PALM2AKAP2: variants seen among roughly 807,000 people sequenced by gnomAD.
PALM2AKAP2 encodes the protein PALM2 and AKAP2 fusion.
PALM2AKAP2 carries 37 observed loss-of-function variants against 71.5 expected under a neutral mutation model. That is an observed-to-expected ratio of 0.52 (90% confidence interval 0.40 to 0.68). PALM2AKAP2 has a LOEUF of 0.68. Among genes scored for constraint, PALM2AKAP2 ranks in the 30% least tolerant of loss-of-function variants. The pLI is 0.00. For missense variants in PALM2AKAP2, 1,224 were observed against 1,191.8 expected, an observed-to-expected ratio of 1.03 and a Z score of -0.40; for synonymous variants, 468 against 478.8, an observed-to-expected ratio of 0.98 and a Z score of 0.29.
At chr9:109,941,142 C>G (rs1453752601) in intron 6 of PALM2AKAP2, among the ~76,000 whole-genome samples, 1 of 133,048 alleles carries the variant, frequency 7.5e-6, no homozygotes, top group Admixed American at 7.6e-5. Context: ...TCTTCTTCCT[C>G]TTCTTTTTTT....
At chr9:109,938,283 A>G (rs1376132511) in intron 6 of PALM2AKAP2, among the ~76,000 whole-genome samples, 1 of 152,202 alleles carries the variant, frequency 6.6e-6, no homozygotes, top group Non-Finnish European at 1.5e-5. Context: ...CCTAGATAAC[A>G]TTCTCATATA....
chr9:109,848,113 C>T (rs1474595374), intron 1 of PALM2AKAP2, among the ~76,000 whole-genome samples: 1 of 152,228 alleles, frequency 6.6e-6, no homozygotes, highest in Non-Finnish European at 1.5e-5. Context: ...CAGACACCTG[C>T]TGGTGAGTGT....
intron 3 of PALM2AKAP2, among the ~76,000 whole-genome samples, chr9:109,913,305 C>A (rs1588003677): frequency 1.3e-5 from 2 of 152,348 alleles, no homozygotes; most frequent in Non-Finnish European, 1.5e-5. Context: ...TATACTTAGG[C>A]ATGTCTTGGC....
intron 3 of PALM2AKAP2, among the ~76,000 whole-genome samples, chr9:109,889,515 C>T (rs1224038518): frequency 6.6e-6 from 1 of 152,202 alleles, no homozygotes; most frequent in East Asian, 1.9e-4. Flanking sequence ...AGCTCCTACC[C>T]TCTCTCTGGT....
chr9:109,828,953 G>T (rs977401191), intron 1 of PALM2AKAP2, among the ~76,000 whole-genome samples: 10 of 152,268 alleles, frequency 6.6e-5, no homozygotes, highest in Non-Finnish European at 1.2e-4. Context: ...TTGGGGTGTA[G>T]AAGTTTTTTG....
At position 109,752,064 on chromosome 9, in the gene PALM2AKAP2, A is replaced by T. The variant is rs187611566; in HGVS notation, c.6-28424A>T. On this transcript the variant is annotated intron_variant, in intron 1 of 6. Transcript: ENST00000374531. ...GTATTCATTTGTTTATTCAAAAAAC[A>T]TTTATTGAGCACCTACTATGTATTG... 5.0e-4 allele frequency among the ~76,000 whole-genome samples: 76 copies of T among 152,262 alleles called. 1 individual carries two copies. In the South Asian group the frequency reaches 5.4e-3, roughly 11 times the overall value.
intron 5 of PALM2AKAP2, among the ~76,000 whole-genome samples, chr9:109,930,456 C>T (rs986032722): frequency 6.6e-6 from 1 of 152,196 alleles, no homozygotes; most frequent in African/African-American, 2.4e-5. Flanking sequence ...GAGCTCCTGA[C>T]CTCAGGTGAT....
chr9:109,828,122 T>C (rs1414976760), intron 1 of PALM2AKAP2, among the ~76,000 whole-genome samples: 1 of 152,168 alleles, frequency 6.6e-6, no homozygotes, highest in South Asian at 2.1e-4. Flanking sequence ...ATTAAAATAC[T>C]GTAGTTGAGG....
intron 1 of PALM2AKAP2, among the ~76,000 whole-genome samples, chr9:109,811,613 C>A (rs953568836): frequency 4.6e-5 from 7 of 152,054 alleles, no homozygotes; most frequent in Admixed American, 4.6e-4. Flanking sequence ...GCTCTGTTGT[C>A]CAGGCTGGAA....
chr9:109,703,901 T>C (rs1246287592), intron 1 of PALM2AKAP2, among the ~76,000 whole-genome samples: 1 of 152,186 alleles, frequency 6.6e-6, no homozygotes. Flanking sequence ...TGAAACTATG[T>C]TAGACTGAAG....
intron 1 of PALM2AKAP2, among the ~76,000 whole-genome samples, chr9:109,750,661 T>A (rs1353804054): frequency 1.3e-5 from 2 of 151,722 alleles, no homozygotes; most frequent in African/African-American, 2.4e-5. Flanking sequence ...CTGGGCTAGA[T>A]GAAAGAGAGG....
intron 1 of PALM2AKAP2, among the ~76,000 whole-genome samples, chr9:109,723,661 G>A (rs760718589): frequency 2.6e-5 from 4 of 152,126 alleles, no homozygotes; most frequent in Non-Finnish European, 5.9e-5. Flanking sequence ...AAAAGAAAAA[G>A]GCATTTAACA....
intron 3 of PALM2AKAP2, among the ~76,000 whole-genome samples, chr9:109,923,512 G>A (rs1416858231): frequency 1.3e-5 from 2 of 152,240 alleles, no homozygotes; most frequent in Non-Finnish European, 2.9e-5. Flanking sequence ...CTGTGAACCA[G>A]TGGAGGCAGT....
intron 3 of PALM2AKAP2, among the ~76,000 whole-genome samples, chr9:109,912,083 C>T (rs910260235): frequency 1.5e-4 from 23 of 151,986 alleles, no homozygotes; most frequent in African/African-American, 5.3e-4. Flanking sequence ...TCCTTCCTGG[C>T]TTTGTCAGGA....
intron 1 of PALM2AKAP2, among the ~76,000 whole-genome samples, chr9:110,106,970 A>T (rs1385605097): frequency 6.6e-6 from 1 of 152,216 alleles, no homozygotes; most frequent in Non-Finnish European, 1.5e-5. Flanking sequence ...CTAATGGAAG[A>T]TAAGTCATCA....
At chr9:109,969,808 C>G (rs1192364055) in intron 6 of PALM2AKAP2, among the ~76,000 whole-genome samples, 1 of 151,990 alleles carries the variant, frequency 6.6e-6, no homozygotes, top group Admixed American at 6.5e-5. Context: ...CAAGTGCAGC[C>G]TACAGCCCCT....
At chr9:109,804,020 C>T (rs892834352) in intron 1 of PALM2AKAP2, among the ~76,000 whole-genome samples, 1 of 152,166 alleles carries the variant, frequency 6.6e-6, no homozygotes, top group Non-Finnish European at 1.5e-5. Context: ...CCAGGTAGCT[C>T]CAGAGAAAGA....
intron 7 of PALM2AKAP2, among the ~76,000 whole-genome samples, chr9:110,032,412 G>A (rs148896867): frequency 1.6e-3 from 238 of 152,164 alleles, no homozygotes; most frequent in East Asian, 2.7e-3. Flanking sequence ...AAAAAAAACC[G>A]CCGGGTGCGG....
chr9:110,137,695 A>C lies in PALM2AKAP2; in HGVS notation c.1725A>C (p.Thr575=), dbSNP rs556370272. The C allele has an allele frequency of 6.8e-6, 11 of 1,614,126 alleles. No individual in the cohort carries two copies. In the East Asian group the frequency reaches 1.8e-4, roughly 26 times the overall value. The change falls in exon 2 of 4, where the codon ACA becomes ACC. Residue 575 remains threonine, a synonymous_variant. Transcript: ENST00000374525. ...TGTCGGTGAGGTCTCAGGATACCAC[A>C]GTCCTGGAGACCCTATCCAATGATT...
Sources: gnomAD v4.1 joint callset for allele counts (sites outside exome capture counted in the v4.1 genomes callset) on GRCh38, gnomAD v4.1.1 for gene constraint, MANE v1.5 for transcripts, NCBI Gene and HGNC (gene_info 2026-07-23, HGNC 2026-07-21) for gene names.